Variants in GRB10 observed in about 807,000 individuals in gnomAD.
The protein encoded by GRB10 is growth factor receptor-bound protein 10.
A neutral mutation model predicts 80.9 loss-of-function variants in GRB10; 20 were observed. The observed-to-expected ratio is 0.25, with a 90% CI of 0.17 to 0.36. The LOEUF (loss-of-function observed/expected upper bound fraction) is 0.36. Among genes scored for constraint, GRB10 ranks in the 10% least tolerant of loss-of-function variants. The pLI is 1.00. For missense variants in GRB10, 548 were observed against 747.7 expected (o/e 0.73, Z 3.12); for synonymous variants, 291 against 291.5 (o/e 1.00, Z 0.02).
chr7:50,649,880 G>C (rs1211920699), intron 7 of GRB10, among the ~76,000 whole-genome samples: 1 of 152,158 alleles, frequency 6.6e-6, no homozygotes, highest in Non-Finnish European at 1.5e-5. Context: ...GGTGTGCTTC[G>C]ACTATATTTT....
intron 8 of GRB10, among the ~76,000 whole-genome samples, chr7:50,624,901 C>G (rs2052599368): frequency 6.6e-6 from 1 of 150,914 alleles, no homozygotes; most frequent in African/African-American, 2.5e-5. Context: ...ACTTGTTTCC[C>G]TTTCCCTTTT....
chr7:50,624,394 T>C (rs2052485240), intron 8 of GRB10, among the ~76,000 whole-genome samples: 1 of 152,254 alleles, frequency 6.6e-6, no homozygotes, highest in Admixed American at 6.5e-5. Context: ...CAACAGGCTC[T>C]CTGAGAGGCA....
chr7:50,713,135 T>C (rs1352657861), intron 4 of GRB10, among the ~76,000 whole-genome samples: 1 of 152,220 alleles, frequency 6.6e-6, no homozygotes, highest in Admixed American at 6.5e-5. Context: ...CTACATGACC[T>C]TGGGGAAGAC....
intron 4 of GRB10, among the ~76,000 whole-genome samples, chr7:50,713,672 C>A (rs2066324569): frequency 2.0e-5 from 2 of 102,530 alleles, no homozygotes; most frequent in African/African-American, 7.2e-5. Context: ...TCCACCACCA[C>A]CTCCACCTCC....
At chr7:50,719,088 AC>A (rs1330368417) in intron 4 of GRB10, among the ~76,000 whole-genome samples, 2 of 150,786 alleles carry the variant, frequency 1.3e-5, no homozygotes, top group African/African-American at 4.8e-5. Context: ...TCTAAAGAAA[AC>A]AAGTAGTGAG....
chr7:50,612,204 G>C (rs1238051519), intron 13 of GRB10, among the ~76,000 whole-genome samples: 3 of 152,094 alleles, frequency 2.0e-5, no homozygotes, highest in Admixed American at 1.3e-4. Context: ...CTGGCTTTTT[G>C]GGAACCTGAG....
intron 2 of GRB10, among the ~76,000 whole-genome samples, chr7:50,770,311 A>C (rs114219537): frequency 0.02 from 3,026 of 152,334 alleles, 103 homozygotes; most frequent in African/African-American, 0.069. Context: ...TTACGGACCA[A>C]GTATCCTCAA....
At chr7:50,674,718 A>T in intron 5 of GRB10, 60 bp from the exon 6 acceptor site, 2 of 1,393,408 alleles carry the variant, frequency 1.4e-6, no homozygotes, top group Non-Finnish European at 2.0e-6. Flanking sequence ...AATCAAACCC[A>T]AATGTACATC....
intron 3 of GRB10, among the ~76,000 whole-genome samples, chr7:50,739,256 T>C (rs2071325005): frequency 1.3e-5 from 2 of 152,182 alleles, no homozygotes; most frequent in Admixed American, 1.3e-4. Flanking sequence ...ACTTCAAAAA[T>C]GTTGCACCCA....
At chr7:50,661,169 G>T (rs2059233064) in intron 7 of GRB10, among the ~76,000 whole-genome samples, 1 of 152,226 alleles carries the variant, frequency 6.6e-6, no homozygotes, top group Non-Finnish European at 1.5e-5. Context: ...CCTGCACTGG[G>T]AGGCCAGGAC....
At chr7:50,606,502 T>A in intron 13 of GRB10, 88 bp from the exon 14 acceptor site, 1 of 926,186 alleles carries the variant, frequency 1.1e-6, no homozygotes, top group Non-Finnish European at 1.8e-6. Flanking sequence ...AGGGCAATGT[T>A]GAGTGCGGAA....
Position 50,595,494 on chromosome 7 carries a change from C to T in GRB10, c.1581G>A (p.Lys527=), listed in dbSNP as rs377135949. 6.2e-6 allele frequency: 10 copies of T among 1,611,386 alleles called. No homozygotes were observed. The highest frequency in any genetic ancestry group is 8.5e-6 in the Non-Finnish European group (10 of 1,177,824). Reference sequence around the variant, plus strand: ...GATGACACAGTGTGAGTACAAATGCCTTTGGATTACTCTGGCTGTCACGGA... The same window carrying T: ...GATGACACAGTGTGAGTACAAATGCTTTTGGATTACTCTGGCTGTCACGGA... ...FLLRDSQSNP[K]AFVLTLCHHQ... The change falls in exon 18 of 19, where the codon AAG becomes AAA. Residue 527 remains lysine, a synonymous_variant. Transcript: ENST00000401949.
intron 6 of GRB10, among the ~76,000 whole-genome samples, chr7:50,670,264 AG>A (rs11350145): frequency 0.56 from 85,434 of 151,732 alleles, 24,525 homozygotes; most frequent in African/African-American, 0.65. Flanking sequence ...GGTGGCTGCC[AG>A]GGGACTAAGG....
At chr7:50,671,586 T>C (rs2060356380) in intron 6 of GRB10, among the ~76,000 whole-genome samples, 1 of 152,220 alleles carries the variant, frequency 6.6e-6, no homozygotes, top group Admixed American at 6.5e-5. Context: ...ATTTTTACTG[T>C]GAACAAATCC....
At chr7:50,633,506 G>C (rs2054389157) in intron 7 of GRB10, among the ~76,000 whole-genome samples, 1 of 152,146 alleles carries the variant, frequency 6.6e-6, no homozygotes, top group Non-Finnish European at 1.5e-5. Context: ...GCTCCATGAA[G>C]AAACAATGTT....
intron 3 of GRB10, among the ~76,000 whole-genome samples, chr7:50,755,270 C>T (rs1363805160): frequency 6.6e-6 from 1 of 152,210 alleles, no homozygotes; most frequent in Non-Finnish European, 1.5e-5. Flanking sequence ...AAGAATCCCA[C>T]ACCCAGGGCC....
chr7:50,603,948 C>A lies in GRB10; in HGVS notation c.1544+50G>T, dbSNP rs760167456. The stretch of plus-strand genomic sequence containing the variant: ...GGAATTAAACAGAACAGATCCCCAG[C>A]ACAATAAAACCTTAGCAGATGACAG... On this transcript the variant is annotated intron_variant, in intron 17 of 18. Coordinates refer to ENST00000401949, the MANE Select transcript of GRB10 (RefSeq NM_001350814.2). The A allele has an allele frequency of 2.4e-5, 32 of 1,350,752 alleles. 1 individual carries two copies. Among genetic ancestry groups the A allele is most frequent in the Admixed American group, 2.0e-4 (12 of 59,730 alleles). 83.7% of individuals were successfully genotyped at this position (1,350,752 alleles called of 1,614,324 possible).
upstream of GRB10, among the ~76,000 whole-genome samples, chr7:50,787,453 T>C (rs2078741495): frequency 6.6e-6 from 1 of 152,258 alleles, no homozygotes; most frequent in African/African-American, 2.4e-5. Context: ...AATTTTAAAA[T>C]AGTTTGCTCT....
chr7:50,601,855 T>C (rs1192146434), intron 17 of GRB10, among the ~76,000 whole-genome samples: 1 of 152,180 alleles, frequency 6.6e-6, no homozygotes, highest in African/African-American at 2.4e-5. Context: ...TGAATCAGGG[T>C]CCCTGTGAGA....
Sources: allele counts gnomAD v4.1 joint callset (sites outside exome capture counted in the v4.1 genomes callset), GRCh38; gene constraint gnomAD v4.1.1; transcripts MANE v1.5; gene names NCBI Gene and HGNC (gene_info 2026-07-23, HGNC 2026-07-21).